The following RAB3GAP1 variants were observed in gnomAD, a reference collection of about 807,000 sequenced individuals.
The protein encoded by RAB3GAP1 is rab3 GTPase-activating protein catalytic subunit.
A neutral mutation model predicts 130.7 loss-of-function variants in RAB3GAP1; 86 were observed. That is an observed-to-expected ratio of 0.66 (90% CI 0.55 to 0.79). The LOEUF (loss-of-function observed/expected upper bound fraction) is 0.79. Among genes scored for constraint, RAB3GAP1 ranks in the 30% least tolerant of loss-of-function variants. RAB3GAP1 has a pLI of 0.00. For synonymous variants in RAB3GAP1, 367 were observed against 401.7 expected, an observed-to-expected ratio of 0.91 and a Z score of 1.03; for missense variants, 1,029 against 1,169.4, an observed-to-expected ratio of 0.88 and a Z score of 1.75.
intron 8 of RAB3GAP1, among the ~76,000 whole-genome samples, chr2:135,121,211 G>A (rs1339823994): frequency 4.6e-5 from 7 of 152,048 alleles, no homozygotes; most frequent in African/African-American, 1.7e-4. Flanking sequence ...ACTATGTAGC[G>A]AATGATTAAC....
At chr2:135,157,183 A>T (rs1182317512) in intron 19 of RAB3GAP1, among the ~76,000 whole-genome samples, 1 of 151,816 alleles carries the variant, frequency 6.6e-6, no homozygotes, top group Non-Finnish European at 1.5e-5. Context: ...CCAACTAATT[A>T]TTTTTCTTAA....
At chr2:135,106,783 GT>G (rs1690639165) in intron 5 of RAB3GAP1, among the ~76,000 whole-genome samples, 2 of 132,822 alleles carry the variant, frequency 1.5e-5, no homozygotes, top group African/African-American at 5.5e-5. Context: ...AAATAAAAAA[GT>G]AAAAAAAAAA....
At chr2:135,159,438 TC>T (rs566024533) in intron 19 of RAB3GAP1, among the ~76,000 whole-genome samples, 19 of 152,308 alleles carry the variant, frequency 1.2e-4, no homozygotes, top group Non-Finnish European at 2.4e-4. Context: ...CTGGTCTTCC[TC>T]CCAGAAATAC....
intron 3 of RAB3GAP1, among the ~76,000 whole-genome samples, chr2:135,069,862 C>G (rs766147042): frequency 3.9e-5 from 6 of 152,158 alleles, no homozygotes; most frequent in Non-Finnish European, 8.8e-5. Context: ...AGCTGTCATA[C>G]TTTCTGTGCC....
intron 3 of RAB3GAP1, among the ~76,000 whole-genome samples, chr2:135,080,272 A>G (rs571510954): frequency 6.6e-6 from 1 of 152,366 alleles, no homozygotes; most frequent in African/African-American, 2.4e-5. Flanking sequence ...ATTAATTCAT[A>G]CAGTCTGCTT....
intron 5 of RAB3GAP1, among the ~76,000 whole-genome samples, chr2:135,109,885 G>A (rs1157676377): frequency 6.6e-6 from 1 of 151,872 alleles, no homozygotes; most frequent in Non-Finnish European, 1.5e-5. Context: ...CCCGGCCTTT[G>A]TGTATTTTCT....
intron 11 of RAB3GAP1, among the ~76,000 whole-genome samples, chr2:135,127,972 CCTTTT>C (rs1481547611): frequency 1.3e-5 from 2 of 152,054 alleles, no homozygotes; most frequent in Admixed American, 6.6e-5. Context: ...AATATTTTCT[CCTTTT>C]CTTTATGTTC....
At chr2:135,165,662 A>G (rs1033389669) in intron 23 of RAB3GAP1, among the ~76,000 whole-genome samples, 4 of 152,146 alleles carry the variant, frequency 2.6e-5, no homozygotes, top group Non-Finnish European at 4.4e-5. Context: ...TAATAACCAA[A>G]TATTTATTTC....
intron 17 of RAB3GAP1, among the ~76,000 whole-genome samples, chr2:135,139,595 G>A (rs1416273925): frequency 6.6e-6 from 1 of 151,396 alleles, no homozygotes; most frequent in East Asian, 1.9e-4. Flanking sequence ...ATACTGCTTG[G>A]TGAATTTTTT....
At chr2:135,124,619 C>T (rs1691298549) in intron 9 of RAB3GAP1, among the ~76,000 whole-genome samples, 1 of 152,136 alleles carries the variant, frequency 6.6e-6, no homozygotes, top group Non-Finnish European at 1.5e-5. Context: ...GAGCTAAGAT[C>T]ACGCCATTGC....
chr2:135,095,912 G>T (rs931869837), intron 5 of RAB3GAP1, among the ~76,000 whole-genome samples: 5 of 152,110 alleles, frequency 3.3e-5, no homozygotes, highest in African/African-American at 1.2e-4. Context: ...GAGAGAGAGA[G>T]AGAGACCACA....
chr2:135,078,354 T>G (rs1574088394), intron 3 of RAB3GAP1, among the ~76,000 whole-genome samples: 1 of 152,144 alleles, frequency 6.6e-6, no homozygotes, highest in East Asian at 1.9e-4. Flanking sequence ...AAGAAGGATT[T>G]TTTCTTTTAA....
intron 17 of RAB3GAP1, chr2:135,136,692 T>TC (rs1691687947): frequency 1.5e-6 from 2 of 1,300,954 alleles, no homozygotes; most frequent in Admixed American, 3.9e-5. Flanking sequence ...AAAAAATAAA[T>TC]CCTCTTTTGC....
intron 11 of RAB3GAP1, among the ~76,000 whole-genome samples, chr2:135,128,158 T>C (rs1206037239): frequency 6.6e-6 from 1 of 152,246 alleles, no homozygotes; most frequent in Non-Finnish European, 1.5e-5. Flanking sequence ...CCATTTGTGC[T>C]AACTATATAA....
At chr2:135,113,305 A>G (rs767636636) in intron 6 of RAB3GAP1, 35 bp downstream of exon 6, 14 of 1,609,854 alleles carry the variant, frequency 8.7e-6, no homozygotes, top group Non-Finnish European at 1.1e-5. Flanking sequence ...AGACAAAAAA[A>G]CTGTTTTTAA....
intron 19 of RAB3GAP1, among the ~76,000 whole-genome samples, chr2:135,159,677 G>A (rs62170255): frequency 0.042 from 6,410 of 152,266 alleles, 158 homozygotes; most frequent in African/African-American, 0.056. Flanking sequence ...AGGAAACCGC[G>A]TACATACATA....
chr2:135,053,293 C>T (rs1213819697), intron 2 of RAB3GAP1, among the ~76,000 whole-genome samples: 1 of 152,230 alleles, frequency 6.6e-6, no homozygotes. Context: ...TTTAAAAAGT[C>T]TGCATATGGT....
chr2:135,162,942 T>G (rs945458601), intron 21 of RAB3GAP1, 44 bp from the exon 22 acceptor site: 1 of 1,584,884 alleles, frequency 6.3e-7, no homozygotes, highest in Non-Finnish European at 8.7e-7. Flanking sequence ...GGCTTTGCTT[T>G]TTTGCCATCT....
intron 17 of RAB3GAP1, among the ~76,000 whole-genome samples, chr2:135,147,951 T>G (rs1692049738): frequency 6.7e-6 from 1 of 149,794 alleles, no homozygotes; most frequent in Middle Eastern, 3.2e-3. Context: ...AAATAATACT[T>G]TTTAAATTTA....
Sources: allele counts gnomAD v4.1 joint callset (sites outside exome capture counted in the v4.1 genomes callset), GRCh38; gene constraint gnomAD v4.1.1; transcripts MANE v1.5; gene names NCBI Gene and HGNC (gene_info 2026-07-23, HGNC 2026-07-21).